The following ANKRD11 variants were observed in gnomAD, a reference collection of about 807,000 sequenced individuals.
ANKRD11 encodes ankyrin repeat domain 11.
A neutral mutation model predicts 195.7 loss-of-function variants in ANKRD11; 17 were observed. The observed-to-expected ratio is 0.09, with a 90% CI of 0.06 to 0.13. The LOEUF is 0.13. Among genes scored for constraint, ANKRD11 ranks in the 10% least tolerant of loss-of-function variants. The pLI is 1.00. For synonymous variants in ANKRD11, 1,953 were observed against 1,528.1 expected (o/e 1.28, Z -6.49); for missense variants, 3,735 against 3,566.1 (o/e 1.05, Z -1.21).
At chr16:89,428,275 C>T (rs1374956577) in intron 1 of ANKRD11, among the ~76,000 whole-genome samples, 1 of 152,102 alleles carries the variant, frequency 6.6e-6, no homozygotes, top group Non-Finnish European at 1.5e-5. Context: ...CCTATAATCC[C>T]AGCACTTTGG....
chr16:89,277,157 C>A (rs1266075371), intron 9 of ANKRD11, among the ~76,000 whole-genome samples: 1 of 152,232 alleles, frequency 6.6e-6, no homozygotes, highest in Non-Finnish European at 1.5e-5. Flanking sequence ...CGAGCCCAGC[C>A]CCCCAGTGAG....
At chr16:89,429,636 C>T (rs1230883391) in intron 1 of ANKRD11, among the ~76,000 whole-genome samples, 1 of 41,050 alleles carries the variant, frequency 2.4e-5, no homozygotes, top group Non-Finnish European at 4.8e-5. Context: ...ACAGCAGGGA[C>T]TCTCAACTCT....
intron 2 of ANKRD11, among the ~76,000 whole-genome samples, chr16:89,349,254 C>A (rs938282300): frequency 6.7e-6 from 1 of 150,136 alleles, no homozygotes; most frequent in Non-Finnish European, 1.5e-5. Flanking sequence ...ACAGGCCAGG[C>A]GCAGTGGCTC....
intron 12 of ANKRD11, 75 bp from the exon 13 acceptor site, chr16:89,268,738 C>A: frequency 6.6e-7 from 1 of 1,516,654 alleles, no homozygotes. Flanking sequence ...CCTCAGCTGC[C>A]AGCAGGGCCA....
At chr16:89,392,850 G>A (rs572131909) in intron 2 of ANKRD11, among the ~76,000 whole-genome samples, 3 of 151,138 alleles carry the variant, frequency 2.0e-5, no homozygotes, top group Non-Finnish European at 4.4e-5. Flanking sequence ...ACATTTAACC[G>A]ACTCCATCAA....
chr16:89,300,489 C>A, intron 4 of ANKRD11: 1 of 215,560 alleles, frequency 4.6e-6, no homozygotes. Context: ...CTGCACTCTG[C>A]TCTCTCTGCC....
chr16:89,452,455 C>A (rs561852236), intron 1 of ANKRD11, among the ~76,000 whole-genome samples: 30 of 152,204 alleles, frequency 2.0e-4, no homozygotes, highest in African/African-American at 7.0e-4. Context: ...ACTAGTAACA[C>A]CTTTCTGTTA....
At chr16:89,350,100 A>T in intron 2 of ANKRD11, among the ~76,000 whole-genome samples, 1 of 152,206 alleles carries the variant, frequency 6.6e-6, no homozygotes, top group East Asian at 1.9e-4. Flanking sequence ...TGAAAAGACA[A>T]GCAACATCAT....
chr16:89,379,664 G>A (rs531013866), intron 2 of ANKRD11, among the ~76,000 whole-genome samples: 1 of 152,192 alleles, frequency 6.6e-6, no homozygotes, highest in East Asian at 1.9e-4. Flanking sequence ...CCACCTCCAG[G>A]TGACTGGGAC....
chr16:89,450,201 C>T (rs1350489163), intron 1 of ANKRD11, among the ~76,000 whole-genome samples: 1 of 152,164 alleles, frequency 6.6e-6, no homozygotes, highest in Non-Finnish European at 1.5e-5. Context: ...AAATCAAGAC[C>T]TGTGCATGGA....
At chr16:89,336,129 A>T (rs943974827) in intron 2 of ANKRD11, among the ~76,000 whole-genome samples, 3 of 152,246 alleles carry the variant, frequency 2.0e-5, no homozygotes, top group African/African-American at 7.2e-5. Context: ...GTTTTCTGCC[A>T]TGTAATCCAC....
chr16:89,283,294 C>T lies in ANKRD11; in HGVS notation c.3248G>A (p.Gly1083Glu), dbSNP rs376971153. Residue 1083 changes from glycine to glutamate, a missense_variant, in exon 9 of 13, where the codon GGG becomes GAG. Gly to Glu is a moderately conservative substitution (Grantham distance 98). Coordinates refer to ENST00000301030, the MANE Select transcript of ANKRD11 (RefSeq NM_013275.6). The surrounding 1 kb of genome is among the most constrained non-coding windows in gnomAD (Gnocchi z 4.3). ...GAAAGCCTTCTCCTTCTTCTCTTTC[C>T]CTTGGTCGAGAGACGCTTTCCTTTC... Reference protein sequence around the residue: ...DKERKASLDQGKEKKEKAFPG... With the variant: ...DKERKASLDQEKEKKEKAFPG... 1 of 1,614,086 alleles carries T rather than the reference C, an allele frequency of 6.2e-7. No individual in the cohort carries two copies. Among genetic ancestry groups the T allele is most frequent in the Admixed American group, 1.7e-5 (1 of 60,026 alleles).
At chr16:89,363,743 C>T (rs1369509848) in intron 2 of ANKRD11, among the ~76,000 whole-genome samples, 2 of 152,174 alleles carry the variant, frequency 1.3e-5, no homozygotes, top group African/African-American at 4.8e-5. Flanking sequence ...AGAACACGGG[C>T]CTGCAGGTTC....
intron 2 of ANKRD11, chr16:89,370,732 A>T (rs1041896481): frequency 6.6e-6 from 1 of 152,278 alleles, no homozygotes; most frequent in Non-Finnish European, 1.5e-5. Context: ...CATCACGGTG[A>T]CTGCTGTGCT....
At chr16:89,371,832 G>A (rs965971850) in intron 2 of ANKRD11, among the ~76,000 whole-genome samples, 1 of 152,204 alleles carries the variant, frequency 6.6e-6, no homozygotes, top group Non-Finnish European at 1.5e-5. Flanking sequence ...TCATGTTCCT[G>A]AGCAAACCGA....
intron 1 of ANKRD11, among the ~76,000 whole-genome samples, chr16:89,448,381 T>G (rs928001880): frequency 3.7e-4 from 56 of 152,350 alleles, no homozygotes; most frequent in Non-Finnish European, 6.5e-4. Flanking sequence ...CAAGTTATAT[T>G]AGTGCTCAAG....
intron 1 of ANKRD11, among the ~76,000 whole-genome samples, chr16:89,468,912 G>A (rs74037204): frequency 0.035 from 5,317 of 152,158 alleles, 326 homozygotes; most frequent in African/African-American, 0.12. Context: ...TTGGTTAAAC[G>A]TTCAAAAAAC....
rs532566084 is a variant in ANKRD11, at chr16:89,295,831, G to C, written c.227-4648C>G. Among the ~76,000 whole-genome samples, 9 of 127,984 alleles carry C rather than the reference G, an allele frequency of 7.0e-5. No individual in the cohort carries two copies. The South Asian group carries it at 1.2e-3, about 17-fold the overall frequency. 84.0% of individuals were successfully genotyped at this position (127,984 alleles called of 152,430 possible). On this transcript the variant is annotated intron_variant, in intron 4 of 12. Transcript: ENST00000301030. ...GTGCTCTGTGCAGGTGGGATCGGAG[G>C]GGGGATGCGACCTTCCTTGGGGTGC... is the stretch of plus-strand genomic sequence containing the variant.
chr16:89,398,962 C>G (rs553679067), intron 2 of ANKRD11, among the ~76,000 whole-genome samples: 1 of 152,278 alleles, frequency 6.6e-6, no homozygotes, highest in South Asian at 2.1e-4. Context: ...GACAGACTCC[C>G]ATCATCCCTC....
Sources: allele counts gnomAD v4.1 joint callset (sites outside exome capture counted in the v4.1 genomes callset), GRCh38; gene constraint gnomAD v4.1.1; non-coding constraint Gnocchi (gnomAD v3.1); transcripts MANE v1.5; gene names NCBI Gene and HGNC (gene_info 2026-07-23, HGNC 2026-07-21).